Variants in MYO3B observed in about 807,000 individuals in gnomAD.
MYO3B encodes myosin IIIB.
Under a neutral mutation model 174.6 loss-of-function variants are expected in MYO3B, and 156 were observed. The ratio of observed to expected loss-of-function variants is 0.89; its 90% CI spans 0.78 to 1.02. The LOEUF (loss-of-function observed/expected upper bound fraction) is 1.02, where lower values mean the gene tolerates loss of function less well. Among genes scored for constraint, MYO3B ranks in the 50% least tolerant of loss-of-function variants. The pLI is 0.00. For synonymous variants in MYO3B, 563 were observed against 569.1 expected (o/e 0.99, Z 0.15); for missense variants, 1,632 against 1,639.4 (o/e 1.00, Z 0.08).
chr2:170,487,301 T>C (rs1482502472), intron 25 of MYO3B, among the ~76,000 whole-genome samples: 1 of 152,252 alleles, frequency 6.6e-6, no homozygotes, highest in African/African-American at 2.4e-5. Flanking sequence ...TGATTTTTTA[T>C]TCTTATCCTT....
At position 170,631,270 on chromosome 2, in the gene MYO3B, C is replaced by T. The variant is rs986974279; in HGVS notation, c.3734-20358C>T. Among the ~76,000 whole-genome samples the T allele has an allele frequency of 7.9e-5, 12 of 151,888 alleles. No individual in the cohort carries two copies. The South Asian group carries it at 8.3e-4, about 11-fold the overall frequency. ...TGATGAATGCACAAGCTTCAGTAGC[C>T]GACTCTATCAACTGGAAGAAAGGGT... On this transcript the variant is annotated intron_variant, in intron 32 of 34. Coordinates refer to ENST00000408978, the MANE Select transcript of MYO3B (RefSeq NM_138995.5).
At chr2:170,635,671 CTT>C (rs1697402381) in intron 32 of MYO3B, among the ~76,000 whole-genome samples, 1 of 152,074 alleles carries the variant, frequency 6.6e-6, no homozygotes. Context: ...TGTAATATCT[CTT>C]AAAGATCACA....
chr2:170,405,281 C>G (rs2094502997), intron 20 of MYO3B, among the ~76,000 whole-genome samples: 1 of 152,180 alleles, frequency 6.6e-6, no homozygotes, highest in Non-Finnish European at 1.5e-5. Context: ...CTGGTGTCAT[C>G]AGTGTCCATG....
At chr2:170,439,522 GTT>G (rs2094783746) in intron 22 of MYO3B, among the ~76,000 whole-genome samples, 1 of 151,820 alleles carries the variant, frequency 6.6e-6, no homozygotes, top group Admixed American at 6.6e-5. Context: ...TCTACAATTC[GTT>G]GATTGTTTCC....
chr2:170,347,485 C>G (rs1442988842), intron 8 of MYO3B, among the ~76,000 whole-genome samples: 1 of 152,112 alleles, frequency 6.6e-6, no homozygotes, highest in Non-Finnish European at 1.5e-5. Context: ...GCCTGCAATT[C>G]TAGCTACTTG....
intron 32 of MYO3B, among the ~76,000 whole-genome samples, chr2:170,577,974 G>C (rs1413047669): frequency 6.6e-6 from 1 of 152,214 alleles, no homozygotes; most frequent in African/African-American, 2.4e-5. Flanking sequence ...TGTGTGTACT[G>C]TATGTGTGTG....
At chr2:170,610,235 G>C (rs907645540) in intron 32 of MYO3B, among the ~76,000 whole-genome samples, 2 of 135,180 alleles carry the variant, frequency 1.5e-5, no homozygotes, top group African/African-American at 5.6e-5. Context: ...AGCTACTTGG[G>C]AGGCTGAGGC....
At chr2:170,630,476 T>C (rs1696859369) in intron 32 of MYO3B, among the ~76,000 whole-genome samples, 1 of 152,144 alleles carries the variant, frequency 6.6e-6, no homozygotes, top group Admixed American at 6.5e-5. Context: ...AGGCAGGGCA[T>C]AGCTAAACAA....
At chr2:170,557,582 C>G (rs1691418727) in intron 32 of MYO3B, among the ~76,000 whole-genome samples, 1 of 152,130 alleles carries the variant, frequency 6.6e-6, no homozygotes, top group South Asian at 2.1e-4. Context: ...GCAGATGTTA[C>G]TTGAGCACCC....
intron 22 of MYO3B, among the ~76,000 whole-genome samples, chr2:170,442,571 T>C (rs973706163): frequency 6.6e-6 from 1 of 151,796 alleles, no homozygotes; most frequent in Admixed American, 6.6e-5. Flanking sequence ...TGTTACATAG[T>C]ATACATGTGC....
intron 32 of MYO3B, among the ~76,000 whole-genome samples, chr2:170,628,368 G>A (rs1051329604): frequency 6.6e-6 from 1 of 152,206 alleles, no homozygotes; most frequent in Non-Finnish European, 1.5e-5. Context: ...ATAATCTCCT[G>A]GTGTGCTGTT....
At position 170,490,680 on chromosome 2, in the gene MYO3B, T is replaced by C. The variant is rs559173758; in HGVS notation, c.3015-7912T>C. 1.5e-4 allele frequency among the ~76,000 whole-genome samples: 23 copies of C among 152,306 alleles called. No individual in the cohort carries two copies. The South Asian group carries it at 3.5e-3, about 23-fold the overall frequency. ...TATGGTGTTAGCTTTAAGTTTTTCA[T>C]AGATATTTTTTAAAAGTCAAGATTC... On this transcript the variant is annotated intron_variant, in intron 25 of 34. Transcript: ENST00000408978.
At chr2:170,288,271 G>A (rs2093571714) in intron 7 of MYO3B, among the ~76,000 whole-genome samples, 1 of 151,274 alleles carries the variant, frequency 6.6e-6, no homozygotes, top group African/African-American at 2.4e-5. Context: ...AATGTCATTG[G>A]TATTCTAATA....
At chr2:170,540,088 G>A (rs1689985231) in intron 30 of MYO3B, among the ~76,000 whole-genome samples, 1 of 152,180 alleles carries the variant, frequency 6.6e-6, no homozygotes, top group East Asian at 1.9e-4. Flanking sequence ...TTAGGAAGCA[G>A]AGGCAGGAGG....
At chr2:170,618,481 T>G (rs1333137093) in intron 32 of MYO3B, among the ~76,000 whole-genome samples, 4 of 152,182 alleles carry the variant, frequency 2.6e-5, no homozygotes, top group Non-Finnish European at 5.9e-5. Flanking sequence ...GTTAGTTGTT[T>G]CCTGCTGTGG....
At chr2:170,490,757 A>G (rs1467236978) in intron 25 of MYO3B, among the ~76,000 whole-genome samples, 1 of 152,142 alleles carries the variant, frequency 6.6e-6, no homozygotes, top group Non-Finnish European at 1.5e-5. Context: ...TAAATTTTTA[A>G]TAAGAATTAG....
At chr2:170,509,715 A>G (rs1687860126) in intron 28 of MYO3B, among the ~76,000 whole-genome samples, 2 of 152,186 alleles carry the variant, frequency 1.3e-5, no homozygotes, top group African/African-American at 4.8e-5. Flanking sequence ...CCCTTTTGCA[A>G]CTTGTTCTGA....
intron 9 of MYO3B, among the ~76,000 whole-genome samples, chr2:170,371,230 A>C (rs1213596000): frequency 2.0e-5 from 3 of 151,556 alleles, no homozygotes; most frequent in Admixed American, 6.6e-5. Flanking sequence ...AAAAAAAAAA[A>C]AAAAAAAAAA....
chr2:170,495,400 T>C (rs1686801068), intron 25 of MYO3B, among the ~76,000 whole-genome samples: 2 of 152,244 alleles, frequency 1.3e-5, no homozygotes, highest in Non-Finnish European at 2.9e-5. Context: ...TTCTTCACTA[T>C]ATTTTGAAAA....
Sources: gnomAD v4.1 joint callset for allele counts (sites outside exome capture counted in the v4.1 genomes callset) on GRCh38, gnomAD v4.1.1 for gene constraint, MANE v1.5 for transcripts, NCBI Gene and HGNC (gene_info 2026-07-23, HGNC 2026-07-21) for gene names.